The following ASTN2 variants were observed in gnomAD, a reference collection of about 807,000 sequenced individuals.
ASTN2 encodes the protein astrotactin-2.
In ASTN2, 54 loss-of-function variants were observed where a neutral mutation model predicts 139.8. That is an observed-to-expected ratio of 0.39 (90% confidence interval 0.31 to 0.48). ASTN2 has a LOEUF of 0.48. Ranked by LOEUF, ASTN2 falls within the 20% of genes least tolerant of loss-of-function variation. ASTN2 has a pLI of 0.95. For missense variants in ASTN2, 1,565 were observed against 1,725.1 expected, an observed-to-expected ratio of 0.91 and a Z score of 1.64; for synonymous variants, 756 against 719.5, an observed-to-expected ratio of 1.05 and a Z score of -0.81.
At chr9:116,852,918 C>CACACACACAT (rs60269607) in intron 11 of ASTN2, among the ~76,000 whole-genome samples, 10 of 146,208 alleles carry the variant, frequency 6.8e-5, no homozygotes, top group Non-Finnish European at 1.1e-4. Flanking sequence ...CACACACACA[C>CACACACACAT]GGTTAAGATC....
At chr9:117,090,041 T>A (rs1460992592) in intron 5 of ASTN2, among the ~76,000 whole-genome samples, 1 of 152,132 alleles carries the variant, frequency 6.6e-6, no homozygotes, top group Non-Finnish European at 1.5e-5. Flanking sequence ...GACATACAGG[T>A]GAGGGTAACA....
intron 1 of ASTN2, among the ~76,000 whole-genome samples, chr9:117,394,036 A>T (rs886881107): frequency 1.3e-5 from 2 of 152,228 alleles, no homozygotes; most frequent in Non-Finnish European, 2.9e-5. Context: ...TTGTATTAGC[A>T]ACCCTTGGTG....
chr9:116,575,717 A>T (rs1402931962), intron 19 of ASTN2, among the ~76,000 whole-genome samples: 1 of 152,180 alleles, frequency 6.6e-6, no homozygotes, highest in Non-Finnish European at 1.5e-5. Context: ...GATAGTCCCA[A>T]AAGCAAGTTC....
intron 13 of ASTN2, among the ~76,000 whole-genome samples, chr9:116,766,029 T>A (rs373696978): frequency 6.6e-6 from 1 of 152,178 alleles, no homozygotes; most frequent in Non-Finnish European, 1.5e-5. Context: ...TACCTGTCAA[T>A]ATAACTATTA....
intron 19 of ASTN2, among the ~76,000 whole-genome samples, chr9:116,598,012 ATTG>A (rs1854676975): frequency 6.6e-6 from 1 of 152,160 alleles, no homozygotes; most frequent in Non-Finnish European, 1.5e-5. Flanking sequence ...TCTTGCCTTC[ATTG>A]TTGGTTAATA....
At chr9:117,055,587 A>G (rs1037098885) in intron 5 of ASTN2, among the ~76,000 whole-genome samples, 1 of 152,240 alleles carries the variant, frequency 6.6e-6, no homozygotes, top group African/African-American at 2.4e-5. Context: ...GAGCAAAGGC[A>G]ATCTATAAGA....
At chr9:117,276,459 C>T (rs1239656504) in intron 2 of ASTN2, among the ~76,000 whole-genome samples, 1 of 152,194 alleles carries the variant, frequency 6.6e-6, no homozygotes, top group Non-Finnish European at 1.5e-5. Context: ...CCCAGACAGC[C>T]TCTGGTGACT....
At chr9:116,846,602 G>A (rs1832438666) in intron 11 of ASTN2, among the ~76,000 whole-genome samples, 1 of 152,120 alleles carries the variant, frequency 6.6e-6, no homozygotes. Flanking sequence ...AATATATGCT[G>A]GCTACTTTTC....
chr9:116,962,468 A>G (rs1377784318), intron 10 of ASTN2, among the ~76,000 whole-genome samples: 1 of 152,192 alleles, frequency 6.6e-6, no homozygotes, highest in Non-Finnish European at 1.5e-5. Flanking sequence ...CTAAGCCATG[A>G]TGGACTCATC....
intron 16 of ASTN2, among the ~76,000 whole-genome samples, chr9:116,680,764 A>T (rs1183017345): frequency 2.0e-5 from 3 of 152,252 alleles, no homozygotes; most frequent in Non-Finnish European, 4.4e-5. Context: ...ACAGAACCAA[A>T]GACAAAAATC....
chr9:116,805,869 C>G (rs1564277520), intron 12 of ASTN2, 49 bp from the exon 13 acceptor site: 1 of 1,578,020 alleles, frequency 6.3e-7, no homozygotes. Flanking sequence ...CTGAATGCCC[C>G]CATTGGGGGT....
intron 16 of ASTN2, among the ~76,000 whole-genome samples, chr9:116,677,742 C>G (rs1234998536): frequency 1.3e-5 from 2 of 152,098 alleles, no homozygotes; most frequent in Non-Finnish European, 2.9e-5. Context: ...CTTTTGGGGA[C>G]CCAGGATCCA....
intron 3 of ASTN2, among the ~76,000 whole-genome samples, chr9:117,203,478 T>C (rs976492180): frequency 1.3e-5 from 2 of 152,178 alleles, no homozygotes; most frequent in Admixed American, 6.5e-5. Flanking sequence ...TGAGTTTGTC[T>C]AGTTTTAGTC....
intron 11 of ASTN2, among the ~76,000 whole-genome samples, chr9:116,827,930 TAAC>T (rs71379233): frequency 0.77 from 112,523 of 146,834 alleles, 42,541 homozygotes; most frequent in East Asian, 0.91. Context: ...TACAAGGAAA[TAAC>T]AACAACGAAA....
chr9:116,927,170 C>T (rs1360147008), intron 10 of ASTN2, among the ~76,000 whole-genome samples: 1 of 152,192 alleles, frequency 6.6e-6, no homozygotes, highest in East Asian at 1.9e-4. Context: ...GGCAGGGTAT[C>T]TCTGTTGCCT....
chr9:116,667,245 C>T (rs1157279889), intron 16 of ASTN2, among the ~76,000 whole-genome samples: 1 of 151,870 alleles, frequency 6.6e-6, no homozygotes, highest in African/African-American at 2.4e-5. Context: ...CGTGAACCAC[C>T]ACACCTGGCC....
At chr9:116,857,123 T>C (rs1015182655) in intron 11 of ASTN2, among the ~76,000 whole-genome samples, 1 of 152,194 alleles carries the variant, frequency 6.6e-6, no homozygotes, top group Non-Finnish European at 1.5e-5. Flanking sequence ...GAGCATAAGG[T>C]TGGTTAAAAG....
intron 4 of ASTN2, among the ~76,000 whole-genome samples, chr9:117,124,751 G>A (rs972506184): frequency 6.7e-6 from 1 of 150,040 alleles, no homozygotes; most frequent in African/African-American, 2.5e-5. Flanking sequence ...GCTGTAGCGA[G>A]CCACCGTTGC....
intron 2 of ASTN2, among the ~76,000 whole-genome samples, chr9:117,282,117 G>T (rs1834339640): frequency 6.6e-6 from 1 of 151,860 alleles, no homozygotes; most frequent in Non-Finnish European, 1.5e-5. Flanking sequence ...GTCTGTTCTT[G>T]CCAATTCTCC....
Sources: allele counts gnomAD v4.1 joint callset (sites outside exome capture counted in the v4.1 genomes callset), GRCh38; gene constraint gnomAD v4.1.1; transcripts MANE v1.5; gene names NCBI Gene and HGNC (gene_info 2026-07-23, HGNC 2026-07-21).